The following RNF168 variants were observed in gnomAD, a reference collection of about 807,000 sequenced individuals.
RNF168 encodes the protein E3 ubiquitin-protein ligase RNF168.
RNF168 carries 34 observed loss-of-function variants against 34.9 expected under a neutral mutation model. The ratio of observed to expected loss-of-function variants is 0.97; its 90% confidence interval spans 0.74 to 1.30. The LOEUF (loss-of-function observed/expected upper bound fraction) is 1.30. Ranked by LOEUF, RNF168 falls within the 50% of genes most tolerant of loss-of-function variation. The pLI is 0.00. For missense variants in RNF168, 725 were observed against 682.5 expected, an observed-to-expected ratio of 1.06 and a Z score of -0.69; for synonymous variants, 264 against 254.7, an observed-to-expected ratio of 1.04 and a Z score of -0.35.
chr3:196,488,695 C>T lies in RNF168; in HGVS notation c.302-12G>A, dbSNP rs1172599102. ...CTGATAGTCATCAGCTATTTCATATCAAAAAAGAAAATAACATTATAGGCA... is the reference window on the plus strand; with the variant it reads ...CTGATAGTCATCAGCTATTTCATATTAAAAAAGAAAATAACATTATAGGCA... On this transcript the variant is annotated splice_polypyrimidine_tract_variant and intron_variant, in intron 1 of 5. Coordinates refer to ENST00000318037, the MANE Select transcript of RNF168 (RefSeq NM_152617.4). 1 of 1,566,808 alleles carries T rather than the reference C, an allele frequency of 6.4e-7. No individual in the cohort carries two copies.
intron 1 of RNF168, among the ~76,000 whole-genome samples, chr3:196,491,746 T>C (rs1221126344): frequency 6.6e-6 from 1 of 152,200 alleles, no homozygotes; most frequent in Non-Finnish European, 1.5e-5. Context: ...CACTTGGTTT[T>C]TTTTTTATAA....
At chr3:196,472,905 CTTTCT>C (rs890549238) in intron 5 of RNF168, 133 bp from the exon 6 acceptor site, 11 of 592,752 alleles carry the variant, frequency 1.9e-5, no homozygotes, top group East Asian at 2.8e-5. Flanking sequence ...ATATTTCTTT[CTTTCT>C]TTTCTTTTTT....
intron 3 of RNF168, among the ~76,000 whole-genome samples, chr3:196,485,776 A>C (rs1375911254): frequency 2.1e-5 from 2 of 95,022 alleles, no homozygotes; most frequent in Admixed American, 8.8e-5. Flanking sequence ...AAGTGTATAT[A>C]CATATATATT....
At chr3:196,475,070 T>C (rs1368827374) in intron 5 of RNF168, 161 bp downstream of exon 5, 1 of 607,682 alleles carries the variant, frequency 1.6e-6, no homozygotes, top group Non-Finnish European at 2.9e-6. Context: ...TAGTTTCCTT[T>C]GGAGAAAAAG....
intron 1 of RNF168, among the ~76,000 whole-genome samples, chr3:196,502,056 A>G (rs1732905222): frequency 3.6e-5 from 2 of 55,560 alleles, no homozygotes; most frequent in Admixed American, 2.3e-4. Flanking sequence ...AAAAATTAGA[A>G]AAAAAAAAAA....
chr3:196,475,711 C>T (rs1328246148), intron 4 of RNF168, among the ~76,000 whole-genome samples: 26 of 151,400 alleles, frequency 1.7e-4, no homozygotes, highest in Non-Finnish European at 2.5e-4. Context: ...CCACCACGCC[C>T]GGCTAATATT....
rs1577505091 is a variant in RNF168, at chr3:196,469,657, A to T, written c.*2162T>A. ...AATAGTCTCTGAGCTAAATTTCACA[A>T]AATGAAATCAGTGTCTTCTGATTTA... On this transcript the variant is annotated 3_prime_UTR_variant, in exon 6 of 6. Coordinates refer to ENST00000318037, the MANE Select transcript of RNF168 (RefSeq NM_152617.4). The T allele has an allele frequency of 6.6e-6, 1 of 152,356 alleles. No individual in the cohort carries two copies. The highest frequency in any genetic ancestry group is 1.9e-4 in the East Asian group (1 of 5,188). The allele number at this position is 152,356 out of a possible 1,614,324, so 9.4% of individuals were successfully genotyped here. A position where few individuals can be genotyped will look rare whatever the true frequency, so the allele number is the denominator to read the frequency against.
chr3:196,484,080 C>T (rs1003565553), intron 3 of RNF168, among the ~76,000 whole-genome samples, 189 bp from the exon 4 acceptor site: 1 of 151,400 alleles, frequency 6.6e-6, no homozygotes, highest in Non-Finnish European at 1.5e-5. Flanking sequence ...CCAAGTTGGT[C>T]TAAATTAATT....
At chr3:196,487,617 G>A (rs923692418) in intron 2 of RNF168, 39 bp from the exon 3 acceptor site, 4 of 1,577,330 alleles carry the variant, frequency 2.5e-6, no homozygotes, top group Non-Finnish European at 2.6e-6. Flanking sequence ...TTCTCTGAAC[G>A]TTTTGGTATA....
At chr3:196,475,340 A>T (rs563080787) in intron 4 of RNF168, 28 bp from the exon 5 acceptor site, 1 of 1,350,292 alleles carries the variant, frequency 7.4e-7, no homozygotes, top group Non-Finnish European at 1.1e-6. Context: ...CAAAGTTTCA[A>T]TGCTTTCAAA....
At position 196,470,643 on chromosome 3, in the gene RNF168, G is replaced by C. The variant is rs1473701357; in HGVS notation, c.*1176C>G. The C allele has an allele frequency of 6.7e-6, 1 of 148,542 alleles. No individual in the cohort carries two copies. Among genetic ancestry groups the C allele is most frequent in the Non-Finnish European group, 1.5e-5 (1 of 68,044 alleles). 9.2% of individuals were successfully genotyped at this position (148,542 alleles called of 1,614,324 possible). ...CTCAGCCTCATCCTCGTCTGGACCCGTTTCTGACGACCTAATCAGTTTCAA... is the reference window on the plus strand; with the variant it reads ...CTCAGCCTCATCCTCGTCTGGACCCCTTTCTGACGACCTAATCAGTTTCAA... On this transcript the variant is annotated 3_prime_UTR_variant, in exon 6 of 6. Coordinates refer to ENST00000318037, the MANE Select transcript of RNF168 (RefSeq NM_152617.4).
At chr3:196,498,629 G>C (rs1328704218) in intron 1 of RNF168, among the ~76,000 whole-genome samples, 1 of 152,152 alleles carries the variant, frequency 6.6e-6, no homozygotes, top group Non-Finnish European at 1.5e-5. Flanking sequence ...CACTGTATCA[G>C]TGGAGAATGG....
intron 4 of RNF168, among the ~76,000 whole-genome samples, chr3:196,482,552 A>C (rs1427257098): frequency 6.6e-6 from 1 of 152,200 alleles, no homozygotes; most frequent in Non-Finnish European, 1.5e-5. Context: ...ACCACTTTAC[A>C]TTCCTACCAA....
In RNF168 at chr3:196,483,882, A is replaced by T. The variant is rs752614256; in HGVS notation, c.568T>A (p.Cys190Ser). The T allele has an allele frequency of 6.2e-7, 1 of 1,608,346 alleles. No homozygotes were observed. Among genetic ancestry groups the T allele is most frequent in the East Asian group, 2.2e-5 (1 of 44,820 alleles). ...GGAGAAGCCGAGATACTTCCCTCACAGAAATTGTTCTTCAACAATAGAAAA... is the reference window on the plus strand; with the variant it reads ...GGAGAAGCCGAGATACTTCCCTCACTGAAATTGTTCTTCAACAATAGAAAA... Reference protein sequence around the residue: ...RKLSIDINNFCEGSISASPLN... With the variant: ...RKLSIDINNFSEGSISASPLN... Residue 190 changes from cysteine to serine, a missense_variant, in exon 4 of 6, where the codon TGT becomes AGT. Transcript: ENST00000318037.
chr3:196,502,191 C>G (rs1239040672), intron 1 of RNF168, among the ~76,000 whole-genome samples: 4 of 151,582 alleles, frequency 2.6e-5, no homozygotes, highest in African/African-American at 9.7e-5. Flanking sequence ...CAGTTTGGGG[C>G]TCCTGAGTCT....
intron 3 of RNF168, among the ~76,000 whole-genome samples, chr3:196,486,163 T>G (rs151013476): frequency 1.3e-5 from 2 of 152,330 alleles, no homozygotes; most frequent in Non-Finnish European, 2.9e-5. Context: ...TCTAAAAATT[T>G]AATGTGCCTT....
intron 1 of RNF168, among the ~76,000 whole-genome samples, chr3:196,499,647 C>G (rs537461059): frequency 2.6e-4 from 39 of 152,000 alleles, no homozygotes; most frequent in Non-Finnish European, 5.1e-4. Context: ...ACAGCAAAAC[C>G]CCATCTCTAC....
At chr3:196,502,722 G>A in intron 1 of RNF168, 151 bp downstream of exon 1, 1 of 724,410 alleles carries the variant, frequency 1.4e-6, no homozygotes, top group South Asian at 1.5e-5. Flanking sequence ...CGACATTTGG[G>A]GACCCATAAA....
intron 4 of RNF168, among the ~76,000 whole-genome samples, chr3:196,477,257 T>C (rs1732172472): frequency 6.6e-6 from 1 of 152,230 alleles, no homozygotes; most frequent in African/African-American, 2.4e-5. Flanking sequence ...ATGTTGGTTG[T>C]CTCCAAATGG....
Sources: gnomAD v4.1 joint callset for allele counts (sites outside exome capture counted in the v4.1 genomes callset) on GRCh38, gnomAD v4.1.1 for gene constraint, MANE v1.5 for transcripts, NCBI Gene and HGNC (gene_info 2026-07-23, HGNC 2026-07-21) for gene names.